DNMT3A: variants seen among roughly 807,000 people sequenced by gnomAD.
The protein encoded by DNMT3A is DNA (cytosine-5)-methyltransferase 3A.
In DNMT3A, 267 loss-of-function variants were observed where a neutral mutation model predicts 117.6. That is an observed-to-expected ratio of 2.27 (90% CI 2.05 to 2.51). The LOEUF (loss-of-function observed/expected upper bound fraction) is 2.51, where lower values mean the gene tolerates loss of function less well. Ranked by LOEUF, DNMT3A falls within the 30% of genes most tolerant of loss-of-function variation. The pLI is 0.00. For synonymous variants in DNMT3A, 432 were observed against 474.8 expected (o/e 0.91, Z 1.17); for missense variants, 1,029 against 1,260.2 (o/e 0.82, Z 2.78).
intron 6 of DNMT3A, among the ~76,000 whole-genome samples, chr2:25,258,345 G>A (rs779259391): frequency 1.2e-4 from 19 of 152,318 alleles, no homozygotes; most frequent in Non-Finnish European, 1.8e-4. Flanking sequence ...AAATGCTGTC[G>A]GGCAGGGGCA....
At chr2:25,310,013 G>T (rs1481303152) in intron 2 of DNMT3A, among the ~76,000 whole-genome samples, 2 of 152,164 alleles carry the variant, frequency 1.3e-5, no homozygotes, top group Non-Finnish European at 1.5e-5. Flanking sequence ...ACAAGATCAC[G>T]CCACTGCACT....
In DNMT3A at chr2:25,244,617, GT is replaced by G; in HGVS notation, c.1589del (p.Asp530AlafsTer121). The G allele has an allele frequency of 6.2e-7, 1 of 1,614,176 alleles. No homozygotes were observed. The highest frequency in any genetic ancestry group is 8.5e-7 in the Non-Finnish European group (1 of 1,180,022). On this transcript the variant is annotated frameshift_variant, in exon 14 of 23. Transcript: ENST00000321117. LOFTEE classifies it high-confidence loss of function. Reference protein sequence around the residue: ...CFLECAYQYDDDGYQSYCTIC... With the variant: ...CFLECAYQYDXDGYQSYCTIC... ...TGGTGCAGTAGGACTGGTAGCCGTC[GT>G]CGTCGTACTGGTACGCACACTCCAG...
rs557829002 is a variant in DNMT3A, at chr2:25,273,787, GTC to G, written c.639+1152_639+1153del. 5.3e-5 allele frequency among the ~76,000 whole-genome samples: 8 copies of G among 152,294 alleles called. No individual in the cohort carries two copies. In the South Asian group the frequency reaches 1.2e-3, roughly 24 times the overall value. On this transcript the variant is annotated intron_variant, in intron 6 of 22. Transcript: ENST00000321117. ...CCAGGTTGTCCAACGCCATGGGCAT[GTC>G]TCAGTGAATTCAGCTTTCCCTAGGG...
At chr2:25,329,279 C>T (rs767469420) in intron 1 of DNMT3A, among the ~76,000 whole-genome samples, 2 of 152,158 alleles carry the variant, frequency 1.3e-5, no homozygotes, top group Non-Finnish European at 2.9e-5. Context: ...CTGAGAGATT[C>T]GGGCCTCAGT....
At chr2:25,340,301 G>A (rs1405220914) in intron 1 of DNMT3A, among the ~76,000 whole-genome samples, 1 of 152,196 alleles carries the variant, frequency 6.6e-6, no homozygotes, top group African/African-American at 2.4e-5. Flanking sequence ...TCCTCAACTG[G>A]CCGTGCAGCG....
Position 25,233,696 on chromosome 2 carries a change from C to G in DNMT3A, c.*583G>C, listed in dbSNP as rs1350935727. ...AGGGAATGCTGCCGCCTGAGTGTCT[C>G]TCTCTTTCCGTCCCCTGCTTGTGCT... On this transcript the variant is annotated 3_prime_UTR_variant, in exon 23 of 23. Transcript: ENST00000321117. 3.2e-5 allele frequency: 7 copies of G among 220,272 alleles called. No homozygotes were observed. The highest frequency in any genetic ancestry group is 1.2e-4 in the Admixed American group (2 of 16,482). 13.6% of individuals were successfully genotyped at this position (220,272 alleles called of 1,614,324 possible). A position where few individuals can be genotyped will look rare whatever the true frequency, so the allele number is the denominator to read the frequency against.
Position 25,241,593 on chromosome 2 carries a change from A to T in DNMT3A, c.2051T>A (p.Val684Asp). 1.2e-6 allele frequency: 2 copies of T among 1,613,508 alleles called. No homozygotes were observed. Among genetic ancestry groups the T allele is most frequent in the East Asian group, 2.2e-5 (1 of 44,824 alleles). ...CTGTGTGACGCTGCGGACGTCCCCG[A>T]CGTACATGATCTTCCCCTGGTGCCG... is the stretch of plus-strand genomic sequence containing the variant. ...MVRHQGKIMYVGDVRSVTQKH... is the reference protein window; with the variant it reads ...MVRHQGKIMYDGDVRSVTQKH... The change falls in exon 17 of 23, where the codon GTC becomes GAC. Residue 684 changes from valine to aspartate, a missense_variant. Physicochemically the swap from Val to Asp is radical, Grantham distance 152. Transcript: ENST00000321117.
In DNMT3A at chr2:25,253,060, C is replaced by T. The variant is rs562874157; in HGVS notation, c.640-4808G>A. Among the ~76,000 whole-genome samples, 188 of 152,312 alleles carry T rather than the reference C, an allele frequency of 1.2e-3. 1 individual carries two copies. The highest frequency in any genetic ancestry group is 4.4e-3 in the African/African-American group (183 of 41,558). ...TGCAAGGTTGGTCGCGGCGAGGGCG[C>T]TCCTTCAGAAAGTTCAGCAATTCCT... On this transcript the variant is annotated intron_variant, in intron 6 of 22. Coordinates refer to ENST00000321117, the MANE Select transcript of DNMT3A (RefSeq NM_022552.5).
rs757533366 is a variant in DNMT3A, at chr2:25,294,278, G to T, written c.177+5861C>A. On this transcript the variant is annotated intron_variant, in intron 3 of 22. Transcript: ENST00000321117. This position sits in a 1 kb window ranked among gnomAD's most constrained non-coding sequence, Gnocchi z 4.7. ...GGCCCTTCCATGCAGCACTCCAGTA[G>T]CGGGCGTTGATTTCACCGCTCAGGT... Among the ~76,000 whole-genome samples the T allele has an allele frequency of 3.3e-5, 5 of 152,206 alleles. No homozygotes were observed. Among genetic ancestry groups the T allele is most frequent in the Non-Finnish European group, 7.3e-5 (5 of 68,042 alleles).
At chr2:25,253,655 G>C (rs770975684) in intron 6 of DNMT3A, among the ~76,000 whole-genome samples, 9 of 152,216 alleles carry the variant, frequency 5.9e-5, no homozygotes, top group South Asian at 2.1e-4. Context: ...CTGACAAGAT[G>C]AATGAGTATT....
intron 3 of DNMT3A, among the ~76,000 whole-genome samples, chr2:25,291,480 T>A (rs2032761317): frequency 6.6e-6 from 1 of 152,270 alleles, no homozygotes; most frequent in Admixed American, 6.5e-5. Context: ...CTTCCTGGGG[T>A]GGATGGAGCA....
Position 25,231,553 on chromosome 2 carries a change from G to A in DNMT3A, c.*2726C>T, listed in dbSNP as rs991573431. The A allele has an allele frequency of 6.6e-6, 1 of 152,210 alleles. No homozygotes were observed. The highest frequency in any genetic ancestry group is 1.5e-5 in the Non-Finnish European group (1 of 68,048). The allele number at this position is 152,210 out of a possible 1,614,324, so 9.4% of individuals were successfully genotyped here. A position where few individuals can be genotyped will look rare whatever the true frequency, so the allele number is the denominator to read the frequency against. ...GGTTTTGTCACTAATTACTAATTTGGTTTATTCAATAGGTGAGGTTCACTG... is the reference window on the plus strand; with the variant it reads ...GGTTTTGTCACTAATTACTAATTTGATTTATTCAATAGGTGAGGTTCACTG... On this transcript the variant is annotated 3_prime_UTR_variant, in exon 23 of 23. Coordinates refer to ENST00000321117, the MANE Select transcript of DNMT3A (RefSeq NM_022552.5).
intron 6 of DNMT3A, among the ~76,000 whole-genome samples, chr2:25,250,538 T>C (rs1675389627): frequency 6.6e-6 from 1 of 152,130 alleles, no homozygotes; most frequent in Admixed American, 6.5e-5. Context: ...AACTCTGCCC[T>C]CCCCTTCCTA....
At chr2:25,239,749 T>C (rs2149269415) in intron 19 of DNMT3A, among the ~76,000 whole-genome samples, 1 of 152,020 alleles carries the variant, frequency 6.6e-6, no homozygotes, top group South Asian at 2.1e-4. Flanking sequence ...ACCCCAAGAC[T>C]CAGGAGCACA....
rs1318785473 is a variant in DNMT3A, at chr2:25,243,992, G to A, written c.1852-10C>T. On this transcript the variant is annotated splice_polypyrimidine_tract_variant and intron_variant, in intron 15 of 22. Coordinates refer to ENST00000321117, the MANE Select transcript of DNMT3A (RefSeq NM_022552.5). ...AAACCTTTGGAGGGTCCTAAGCAGT[G>A]AGCACAACAGGTCAGATGCAGGCCC... The A allele has an allele frequency of 1.9e-6, 3 of 1,553,240 alleles. No homozygotes were observed. In the South Asian group the frequency reaches 3.6e-5, roughly 18 times the overall value.
chr2:25,285,697 C>A (rs375776759), intron 3 of DNMT3A, among the ~76,000 whole-genome samples: 3 of 152,210 alleles, frequency 2.0e-5, no homozygotes, highest in East Asian at 1.9e-4. Context: ...ACGGCAGACC[C>A]CTGCCTCCAT....
intron 6 of DNMT3A, among the ~76,000 whole-genome samples, chr2:25,263,371 G>A (rs1465909229): frequency 6.6e-6 from 1 of 152,072 alleles, no homozygotes; most frequent in Non-Finnish European, 1.5e-5. Flanking sequence ...CGCTCTGACT[G>A]CCACTGAGGC....
upstream of DNMT3A, among the ~76,000 whole-genome samples, chr2:25,342,165 G>T (rs1038946270): frequency 1.4e-5 from 2 of 144,760 alleles, no homozygotes; most frequent in Non-Finnish European, 1.5e-5. The surrounding 1 kb of genome is among the most constrained non-coding windows in gnomAD (Gnocchi z 5.9). Flanking sequence ...AGGCAGCGCC[G>T]ACTGGGGGGC....
At chr2:25,277,354 C>T (rs1319609234) in intron 4 of DNMT3A, among the ~76,000 whole-genome samples, 1 of 152,042 alleles carries the variant, frequency 6.6e-6, no homozygotes, top group Non-Finnish European at 1.5e-5. Flanking sequence ...GCTTCCCCCT[C>T]CTCCCAGACC....
Sources: allele counts gnomAD v4.1 joint callset (sites outside exome capture counted in the v4.1 genomes callset), GRCh38; gene constraint gnomAD v4.1.1; non-coding constraint Gnocchi (gnomAD v3.1); transcripts MANE v1.5; gene names NCBI Gene and HGNC (gene_info 2026-07-23, HGNC 2026-07-21).